The following WDFY4 variants were observed in gnomAD, a reference collection of about 807,000 sequenced individuals.
WDFY4 encodes WD repeat- and FYVE domain-containing protein 4.
In WDFY4, 169 loss-of-function variants were observed where a neutral mutation model predicts 351.9. The ratio of observed to expected loss-of-function variants is 0.48; its 90% CI spans 0.42 to 0.55. The LOEUF is 0.55. Ranked by LOEUF, WDFY4 falls within the 20% of genes least tolerant of loss-of-function variation. The pLI is 0.00. For synonymous variants in WDFY4, 1,622 were observed against 1,574.6 expected, an observed-to-expected ratio of 1.03 and a Z score of -0.71; for missense variants, 3,803 against 3,935.6, an observed-to-expected ratio of 0.97 and a Z score of 0.90.
chr10:48,894,145 T>C (rs1836954545), intron 44 of WDFY4, among the ~76,000 whole-genome samples: 1 of 152,180 alleles, frequency 6.6e-6, no homozygotes, highest in South Asian at 2.1e-4. Context: ...AGACTTTGGG[T>C]CTTTCTGAGG....
intron 43 of WDFY4, among the ~76,000 whole-genome samples, chr10:48,886,629 A>G (rs1305670775): frequency 6.6e-6 from 1 of 152,130 alleles, no homozygotes. Context: ...ATGCTCTGGG[A>G]CTTCCTGTCC....
chr10:48,893,056 G>C (rs536366798), intron 44 of WDFY4, among the ~76,000 whole-genome samples: 2 of 152,214 alleles, frequency 1.3e-5, no homozygotes, highest in East Asian at 3.8e-4. Context: ...CCAAGGCAAG[G>C]CCATGCTTCC....
Position 48,811,570 on chromosome 10 carries a change from G to C in WDFY4, c.5076G>C (p.Glu1692Asp). ...DNLKSQSPLP[E>D]QSPCLLPGFR... is the part of the protein sequence containing the mutation. ...TGAAGAGCCAGTCACCACTGCCTGAGCAAAGCCCATGCCTGCTTCCTGGGT... is the reference window on the plus strand; with the variant it reads ...TGAAGAGCCAGTCACCACTGCCTGACCAAAGCCCATGCCTGCTTCCTGGGT... Residue 1692 changes from glutamate to aspartate, a missense_variant, in exon 30 of 62, where the codon GAG (glutamate) becomes GAC (aspartate). Glu to Asp is a conservative substitution (Grantham distance 45, BLOSUM62 2). Coordinates refer to ENST00000325239, the MANE Select transcript of WDFY4 (RefSeq NM_001394531.1). 2 of 1,552,240 alleles carry C rather than the reference G, an allele frequency of 1.3e-6. No individual in the cohort carries two copies. Among genetic ancestry groups the C allele is most frequent in the South Asian group, 2.4e-5 (2 of 84,056 alleles).
rs1842105254 is a variant in WDFY4 at position 48,966,821 on chromosome 10, C to G, written c.8584+148C>G. 4 of 1,120,828 alleles carry G rather than the reference C, an allele frequency of 3.6e-6. No individual in the cohort carries two copies. In the East Asian group the frequency reaches 1.1e-4, roughly 30 times the overall value. 69.4% of individuals were successfully genotyped at this position (1,120,828 alleles called of 1,614,324 possible). On this transcript the variant is annotated intron_variant, in intron 55 of 61. Transcript: ENST00000325239. ...CTGCATCTCCAGTCACAGCCAGATT[C>G]TAGGGGGGTGTCATCTCTGGGAAGT...
chr10:48,784,231 G>T (rs1233056197), intron 19 of WDFY4, among the ~76,000 whole-genome samples: 1 of 152,166 alleles, frequency 6.6e-6, no homozygotes, highest in Non-Finnish European at 1.5e-5. Flanking sequence ...GGTTTCTATG[G>T]TAATTGAATG....
intron 39 of WDFY4, among the ~76,000 whole-genome samples, chr10:48,849,444 T>G (rs2068885579): frequency 1.3e-5 from 2 of 152,208 alleles, no homozygotes; most frequent in Admixed American, 6.5e-5. Context: ...TTGTGCAATT[T>G]CAGCAGACAA....
In WDFY4 at chr10:48,820,328, C is replaced by T. The variant is rs760743756; in HGVS notation, c.5600C>T (p.Ala1867Val). Residue 1867 changes from alanine to valine, a missense_variant, in exon 33 of 62, where the codon GCA becomes GTA. Coordinates refer to ENST00000325239, the MANE Select transcript of WDFY4 (RefSeq NM_001394531.1). ...TVEGLQAPTK[A>V]HPARRKLREF... ...GAGGGTCTCCAGGCTCCCACCAAGG[C>T]ACATCCCGCCCGGAGGAAGCTGAGG... The T allele has an allele frequency of 6.4e-7, 1 of 1,551,524 alleles. No homozygotes were observed. The highest frequency in any genetic ancestry group is 1.2e-5 in the South Asian group (1 of 84,062).
At chr10:48,834,353 G>A (rs2068304764) in intron 39 of WDFY4, among the ~76,000 whole-genome samples, 2 of 152,138 alleles carry the variant, frequency 1.3e-5, no homozygotes, top group African/African-American at 4.8e-5. Flanking sequence ...CTGCTGAGGA[G>A]GACCTTAGGG....
intron 47 of WDFY4, among the ~76,000 whole-genome samples, chr10:48,927,370 G>T (rs150014801): frequency 6.6e-6 from 1 of 152,286 alleles, no homozygotes; most frequent in East Asian, 1.9e-4. Flanking sequence ...CCTATTGTGG[G>T]TGGTGGGGGG....
chr10:48,804,684 G>C, intron 25 of WDFY4: 1 of 982,276 alleles, frequency 1.0e-6, no homozygotes, highest in Non-Finnish European at 1.2e-6. Flanking sequence ...ACCTGTACCA[G>C]TTGTTTTCTA....
intron 39 of WDFY4, among the ~76,000 whole-genome samples, chr10:48,863,200 G>T (rs2069406579): frequency 6.6e-6 from 1 of 152,004 alleles, no homozygotes; most frequent in Non-Finnish European, 1.5e-5. Context: ...TTTTATCTTG[G>T]GTGTATACCT....
At chr10:48,803,246 C>A in intron 24 of WDFY4, 40 bp from the exon 25 acceptor site, 1 of 1,543,400 alleles carries the variant, frequency 6.5e-7, no homozygotes. Context: ...ATTCTTCTCC[C>A]ACACCTTCAT....
In WDFY4 at chr10:48,716,022, C is replaced by T. The variant is rs149855305; in HGVS notation, c.235-3989C>T. 3.0e-4 allele frequency among the ~76,000 whole-genome samples: 46 copies of T among 152,254 alleles called. No individual in the cohort carries two copies. The East Asian group carries it at 8.9e-3, about 29-fold the overall frequency. ...AGCCCTCCTCTTTGTCCACTCCTGA[C>T]TCTACCCCATCTTGGAGTGGGACCT... On this transcript the variant is annotated intron_variant, in intron 2 of 61. Transcript: ENST00000325239.
intron 43 of WDFY4, 132 bp from the exon 44 acceptor site, chr10:48,890,447 T>C (rs899229283): frequency 1.5e-5 from 16 of 1,085,538 alleles, no homozygotes; most frequent in Non-Finnish European, 2.1e-5. Flanking sequence ...ACAGCGGGAC[T>C]GCCATTCATA....
intron 1 of WDFY4, among the ~76,000 whole-genome samples, chr10:48,700,133 C>T (rs778985397): frequency 1.2e-4 from 18 of 152,206 alleles, no homozygotes; most frequent in Non-Finnish European, 2.4e-4. Context: ...CCTCCCAGCA[C>T]CACCCCAAGG....
intron 12 of WDFY4, among the ~76,000 whole-genome samples, chr10:48,748,667 T>C (rs1488950575): frequency 6.6e-6 from 1 of 152,202 alleles, no homozygotes; most frequent in East Asian, 1.9e-4. Flanking sequence ...ATAAGACCCA[T>C]GTTTCATAAA....
intron 39 of WDFY4, among the ~76,000 whole-genome samples, chr10:48,847,381 T>G (rs1428694428): frequency 6.6e-6 from 1 of 152,094 alleles, no homozygotes; most frequent in Non-Finnish European, 1.5e-5. Flanking sequence ...ACATATGAAT[T>G]GGGGGGAACA....
intron 11 of WDFY4, among the ~76,000 whole-genome samples, chr10:48,739,919 T>A (rs1337534167): frequency 6.6e-6 from 1 of 152,138 alleles, no homozygotes; most frequent in East Asian, 1.9e-4. Flanking sequence ...ATATTCAGCA[T>A]CAAATTGGAC....
intron 19 of WDFY4, among the ~76,000 whole-genome samples, chr10:48,786,069 T>C (rs2066395708): frequency 6.6e-6 from 1 of 152,224 alleles, no homozygotes; most frequent in Admixed American, 6.5e-5. Flanking sequence ...CCTCTACTTG[T>C]CTTACTAAGT....
Sources: allele counts gnomAD v4.1 joint callset (sites outside exome capture counted in the v4.1 genomes callset), GRCh38; gene constraint gnomAD v4.1.1; transcripts MANE v1.5; gene names NCBI Gene and HGNC (gene_info 2026-07-23, HGNC 2026-07-21).